IL31RA: variants seen among roughly 807,000 people sequenced by gnomAD.
IL31RA encodes the protein interleukin 31 receptor A.
Under a neutral mutation model 83.7 loss-of-function variants are expected in IL31RA, and 66 were observed. That is an observed-to-expected ratio of 0.79 (90% CI 0.65 to 0.97). IL31RA has a LOEUF of 0.97. Among genes scored for constraint, IL31RA ranks in the 50% least tolerant of loss-of-function variants. The pLI is 0.00. For synonymous variants in IL31RA, 325 were observed against 329.0 expected, an observed-to-expected ratio of 0.99 and a Z score of 0.13; for missense variants, 798 against 919.4, an observed-to-expected ratio of 0.87 and a Z score of 1.71.
In IL31RA at chr5:55,922,283, G is replaced by A; in HGVS notation, c.*5163G>A. On this transcript the variant is annotated 3_prime_UTR_variant, in exon 15 of 15. Transcript: ENST00000652347. ...TGCTGATGAAAAGGGCTGGGGAGAA[G>A]CAAGGGGCAGGGGAGGGGCAGAACT... 1.2e-6 allele frequency: 1 copy of A among 832,308 alleles called. No homozygotes were observed. The highest frequency in any genetic ancestry group is 1.4e-5 in the South Asian group (1 of 69,454). 51.6% of individuals were successfully genotyped at this position (832,308 alleles called of 1,614,324 possible). A position where few individuals can be genotyped will look rare whatever the true frequency, so the allele number is the denominator to read the frequency against.
intron 1 of IL31RA, chr5:55,853,703 G>T (rs1013707791): frequency 1.6e-5 from 13 of 812,534 alleles, no homozygotes; most frequent in Non-Finnish European, 2.5e-5. Context: ...GTTGTTGATA[G>T]TTAAGGGAAT....
chr5:55,915,834 A>G (rs1005558922), intron 14 of IL31RA, among the ~76,000 whole-genome samples: 1 of 152,128 alleles, frequency 6.6e-6, no homozygotes, highest in African/African-American at 2.4e-5. Context: ...CGTAGGTTGG[A>G]CCTCTAGAGC....
At chr5:55,909,814 C>T (rs1228235859) in intron 11 of IL31RA, among the ~76,000 whole-genome samples, 1 of 151,846 alleles carries the variant, frequency 6.6e-6, no homozygotes, top group Non-Finnish European at 1.5e-5. Context: ...AAGCGATTCT[C>T]CTGCCTCAGC....
At chr5:55,913,648 G>A in intron 13 of IL31RA, 78 bp downstream of exon 13, 1 of 871,564 alleles carries the variant, frequency 1.1e-6, no homozygotes, top group Non-Finnish European at 2.0e-6. Flanking sequence ...TGCTTCGTAG[G>A]AGAGGGCACT....
chr5:55,867,225 G>GTGTGTGCGCA (rs1746187617), intron 2 of IL31RA, among the ~76,000 whole-genome samples: 1 of 121,810 alleles, frequency 8.2e-6, no homozygotes, highest in African/African-American at 3.8e-5. Flanking sequence ...GTGTGTTTGT[G>GTGTGTGCGCA]TGTGTGTTTG....
chr5:55,886,432 C>T (rs1487093579), intron 5 of IL31RA, among the ~76,000 whole-genome samples: 1 of 151,930 alleles, frequency 6.6e-6, no homozygotes, highest in East Asian at 1.9e-4. Context: ...TGCCACCACA[C>T]CTGGCTAATT....
chr5:55,901,586 CATTATTATTATTATT>C (rs58572654), intron 8 of IL31RA, among the ~76,000 whole-genome samples: 34 of 144,904 alleles, frequency 2.3e-4, no homozygotes, highest in African/African-American at 5.3e-4. Context: ...TTACTATTGT[CATTATTATTATTATT>C]ATTATTATTA....
intron 5 of IL31RA, 43 bp from the exon 6 acceptor site, chr5:55,889,927 C>A: frequency 3.2e-6 from 5 of 1,581,846 alleles, no homozygotes; most frequent in Non-Finnish European, 4.3e-6. Context: ...GGGAGGATAA[C>A]GTGTGGTCTC....
At chr5:55,901,382 T>C (rs1748790951) in intron 8 of IL31RA, among the ~76,000 whole-genome samples, 1 of 152,046 alleles carries the variant, frequency 6.6e-6, no homozygotes. Context: ...AGCATGGGCT[T>C]TGGAGTCCAG....
At chr5:55,898,448 TA>T (rs1191083696) in intron 7 of IL31RA, among the ~76,000 whole-genome samples, 1 of 152,026 alleles carries the variant, frequency 6.6e-6, no homozygotes, top group Admixed American at 6.6e-5. Flanking sequence ...ATACTATTAA[TA>T]AAAGCCATTG....
chr5:55,888,908 A>G (rs116601748), intron 5 of IL31RA, among the ~76,000 whole-genome samples: 2,089 of 152,214 alleles, frequency 0.014, 15 homozygotes, highest in South Asian at 0.033. Context: ...CTTCTGCCCA[A>G]TTTCCTTAAA....
At chr5:55,855,221 T>C (rs933917414) in intron 1 of IL31RA, among the ~76,000 whole-genome samples, 5 of 152,022 alleles carry the variant, frequency 3.3e-5, no homozygotes, top group Non-Finnish European at 7.4e-5. Context: ...CATAGCTCAT[T>C]GCAGCTTCAA....
At chr5:55,904,818 A>G (rs1198624587) in intron 8 of IL31RA, among the ~76,000 whole-genome samples, 1 of 150,702 alleles carries the variant, frequency 6.6e-6, no homozygotes, top group East Asian at 1.9e-4. Context: ...TTCCAGCTTC[A>G]AAAGACTTTT....
rs576564804 is a variant in IL31RA at position 55,877,208 on chromosome 5, CTT to C, written c.454+4758_454+4759del. 2.6e-5 allele frequency among the ~76,000 whole-genome samples: 4 copies of C among 152,248 alleles called. No homozygotes were observed. The South Asian group carries it at 8.3e-4, about 32-fold the overall frequency. On this transcript the variant is annotated intron_variant, in intron 4 of 14. Transcript: ENST00000652347. The stretch of plus-strand genomic sequence containing the variant: ...ACAATCTAATTTGAAATGATATCAA[CTT>C]AACTTCAATTGCATATAAAACTCTA...
intron 5 of IL31RA, among the ~76,000 whole-genome samples, chr5:55,885,674 C>T (rs1029076826): frequency 1.3e-5 from 2 of 152,188 alleles, no homozygotes; most frequent in East Asian, 1.9e-4. Context: ...TCTCTGGGAA[C>T]CCCCCTTATC....
Position 55,872,404 on chromosome 5 carries a change from A to T in IL31RA, c.407A>T (p.Asp136Val), listed in dbSNP as rs1036303272. ...YTIEVEAENG[D>V]GVIKSHMTYW... Reference sequence around the variant, plus strand: ...ATTGAGGTGGAAGCTGAAAATGGAGATGGTGTAATTAAATCTCATATGACA... The same window carrying T: ...ATTGAGGTGGAAGCTGAAAATGGAGTTGGTGTAATTAAATCTCATATGACA... Residue 136 changes from aspartate to valine, a missense_variant, in exon 4 of 15, where the codon GAT (aspartate) becomes GTT (valine). Coordinates refer to ENST00000652347, the MANE Select transcript of IL31RA (RefSeq NM_139017.7). 2 of 1,611,234 alleles carry T rather than the reference A, an allele frequency of 1.2e-6. No individual in the cohort carries two copies. The highest frequency in any genetic ancestry group is 1.7e-6 in the Non-Finnish European group (2 of 1,177,506).
At chr5:55,913,957 C>T (rs866826769) in intron 13 of IL31RA, among the ~76,000 whole-genome samples, 10 of 152,230 alleles carry the variant, frequency 6.6e-5, no homozygotes, top group Middle Eastern at 3.2e-3. Context: ...TCAGGCAGAG[C>T]GGGGAGCAGT....
chr5:55,862,827 C>A (rs185907073), intron 2 of IL31RA, among the ~76,000 whole-genome samples: 1 of 152,264 alleles, frequency 6.6e-6, no homozygotes, highest in East Asian at 1.9e-4. Context: ...TATTCATGAC[C>A]GTGGCAGTCT....
intron 2 of IL31RA, among the ~76,000 whole-genome samples, chr5:55,867,428 T>C (rs1561544032): frequency 1.3e-5 from 2 of 151,976 alleles, no homozygotes; most frequent in Non-Finnish European, 2.9e-5. Context: ...ATAAATAGCA[T>C]TACAAAGATA....
Sources: gnomAD v4.1 joint callset for allele counts (sites outside exome capture counted in the v4.1 genomes callset) on GRCh38, gnomAD v4.1.1 for gene constraint, MANE v1.5 for transcripts, NCBI Gene and HGNC (gene_info 2026-07-23, HGNC 2026-07-21) for gene names.